GRID1: variants seen among roughly 807,000 people sequenced by gnomAD.
The protein encoded by GRID1 is glutamate ionotropic receptor delta type subunit 1.
Under a neutral mutation model 98.0 loss-of-function variants are expected in GRID1, and 28 were observed. That is an observed-to-expected ratio of 0.29 (90% confidence interval 0.21 to 0.39). The LOEUF (loss-of-function observed/expected upper bound fraction) is 0.39, where lower values mean the gene tolerates loss of function less well. Ranked by LOEUF, GRID1 falls within the 10% of genes least tolerant of loss-of-function variation. The pLI is 1.00. For synonymous variants in GRID1, 553 were observed against 538.5 expected, an observed-to-expected ratio of 1.03 and a Z score of -0.37; for missense variants, 1,111 against 1,340.5, an observed-to-expected ratio of 0.83 and a Z score of 2.67.
chr10:85,707,034 A>T (rs1010429281), intron 12 of GRID1, among the ~76,000 whole-genome samples: 1 of 152,072 alleles, frequency 6.6e-6, no homozygotes, highest in African/African-American at 2.4e-5. Context: ...GGCAATACCA[A>T]TCAGGACATA....
chr10:86,325,522 G>C (rs1848036400), intron 2 of GRID1, among the ~76,000 whole-genome samples: 1 of 152,132 alleles, frequency 6.6e-6, no homozygotes, highest in Middle Eastern at 3.4e-3. Context: ...TTAAGAAAAA[G>C]GTATTCAAAA....
intron 8 of GRID1, among the ~76,000 whole-genome samples, chr10:85,731,092 T>C (rs1841816643): frequency 6.6e-6 from 1 of 152,164 alleles, no homozygotes; most frequent in African/African-American, 2.4e-5. Context: ...GTCTGCACAC[T>C]AAGCCCTGAC....
At chr10:86,310,750 G>C (rs1406615517) in intron 2 of GRID1, among the ~76,000 whole-genome samples, 1 of 152,148 alleles carries the variant, frequency 6.6e-6, no homozygotes, top group African/African-American at 2.4e-5. Context: ...ACATCTGCTG[G>C]AGCACCCCAG....
At chr10:85,641,855 G>A (rs934387682) in intron 13 of GRID1, among the ~76,000 whole-genome samples, 4 of 152,218 alleles carry the variant, frequency 2.6e-5, no homozygotes, top group African/African-American at 9.6e-5. Context: ...AAAAGGGGCA[G>A]AGCCCGGATG....
At chr10:85,936,811 G>A (rs994510459) in intron 4 of GRID1, among the ~76,000 whole-genome samples, 14 of 152,116 alleles carry the variant, frequency 9.2e-5, no homozygotes, top group Non-Finnish European at 1.5e-4. Flanking sequence ...GCTAAGAGAC[G>A]GTGAGTTTTA....
intron 13 of GRID1, among the ~76,000 whole-genome samples, chr10:85,637,520 G>A (rs1306085289): frequency 6.6e-6 from 1 of 152,214 alleles, no homozygotes; most frequent in East Asian, 1.9e-4. Flanking sequence ...GTGAAGCAGT[G>A]AAAAGACCAC....
Position 85,916,335 on chromosome 10 carries a change from T to G in GRID1, c.727-96A>C. On this transcript the variant is annotated intron_variant, in intron 4 of 15. Transcript: ENST00000327946. The surrounding 1 kb of genome is among the most constrained non-coding windows in gnomAD (Gnocchi z 4.0). ...GACAGAGTTTTATAAACATTGTTCT[T>G]GGAGAATATTTTCCTCACAAAACAT... 1 of 974,868 alleles carries G rather than the reference T, an allele frequency of 1.0e-6. No homozygotes were observed. Among genetic ancestry groups the G allele is most frequent in the Non-Finnish European group, 1.6e-6 (1 of 615,210 alleles). The allele number at this position is 974,868 out of a possible 1,614,324, so 60.4% of individuals were successfully genotyped here. A position where few individuals can be genotyped will look rare whatever the true frequency, so the allele number is the denominator to read the frequency against.
chr10:85,623,090 G>A (rs1044809396), intron 13 of GRID1, among the ~76,000 whole-genome samples: 13 of 152,162 alleles, frequency 8.5e-5, no homozygotes, highest in East Asian at 1.9e-4. Flanking sequence ...CCTAAATGTC[G>A]TCTTCACTTC....
intron 13 of GRID1, chr10:85,646,850 C>A: frequency 3.4e-6 from 1 of 295,930 alleles, no homozygotes; most frequent in East Asian, 7.3e-5. Context: ...CCCTTCACTC[C>A]TGCAACTCTC....
intron 14 of GRID1, among the ~76,000 whole-genome samples, chr10:85,615,033 T>G (rs1169287632): frequency 6.6e-6 from 1 of 152,200 alleles, no homozygotes; most frequent in Admixed American, 6.5e-5. Context: ...AACAGTTGTT[T>G]ATAGCCAGGA....
chr10:86,092,573 C>T (rs746999789), intron 4 of GRID1, among the ~76,000 whole-genome samples: 24 of 152,112 alleles, frequency 1.6e-4, no homozygotes, highest in Non-Finnish European at 3.4e-4. Context: ...CAAAAGCGAG[C>T]AGGAGTAGCT....
At chr10:86,310,341 C>T (rs1406985533) in intron 2 of GRID1, among the ~76,000 whole-genome samples, 2 of 152,150 alleles carry the variant, frequency 1.3e-5, no homozygotes, top group Non-Finnish European at 2.9e-5. Context: ...CAGGACAGAG[C>T]CACACTGAGA....
At chr10:85,670,806 T>C (rs558768118) in intron 12 of GRID1, among the ~76,000 whole-genome samples, 3 of 152,286 alleles carry the variant, frequency 2.0e-5, no homozygotes, top group African/African-American at 7.2e-5. Flanking sequence ...GGTTCACCTC[T>C]TCATTTTCAT....
At chr10:86,193,133 A>G (rs924125202) in intron 3 of GRID1, among the ~76,000 whole-genome samples, 2 of 152,030 alleles carry the variant, frequency 1.3e-5, no homozygotes, top group Admixed American at 6.6e-5. Context: ...TTCCCAGGGC[A>G]TGGTATCCAG....
chr10:86,066,121 G>T (rs907124217), intron 4 of GRID1, among the ~76,000 whole-genome samples: 2 of 152,096 alleles, frequency 1.3e-5, no homozygotes, highest in African/African-American at 4.8e-5. Flanking sequence ...TATTAAGATG[G>T]TGCAATTGCC....
At chr10:85,879,771 C>G (rs931525218) in intron 5 of GRID1, among the ~76,000 whole-genome samples, 1 of 152,090 alleles carries the variant, frequency 6.6e-6, no homozygotes, top group African/African-American at 2.4e-5. Context: ...TAACTAATAT[C>G]AGAGCAGAAC....
chr10:85,720,720 A>C (rs943642310), intron 12 of GRID1, among the ~76,000 whole-genome samples: 6 of 152,088 alleles, frequency 3.9e-5, no homozygotes, highest in Non-Finnish European at 7.4e-5. Context: ...ACTTTATAAA[A>C]TTATCTCAAA....
intron 4 of GRID1, among the ~76,000 whole-genome samples, chr10:86,022,778 C>T (rs1843066661): frequency 6.6e-6 from 1 of 151,970 alleles, no homozygotes; most frequent in African/African-American, 2.4e-5. Flanking sequence ...ATTAGCCAGG[C>T]ATGGTGGCAG....
intron 2 of GRID1, among the ~76,000 whole-genome samples, chr10:86,211,538 A>G (rs1846108151): frequency 6.6e-6 from 1 of 152,212 alleles, no homozygotes; most frequent in African/African-American, 2.4e-5. Context: ...CACAATCCAC[A>G]GTCACATTCC....
Sources: gnomAD v4.1 joint callset for allele counts (sites outside exome capture counted in the v4.1 genomes callset) on GRCh38, gnomAD v4.1.1 for gene constraint, Gnocchi (gnomAD v3.1) non-coding constraint, MANE v1.5 for transcripts, NCBI Gene and HGNC (gene_info 2026-07-23, HGNC 2026-07-21) for gene names.